Variants in UBE2E2 observed in about 807,000 individuals in gnomAD.
UBE2E2 encodes ubiquitin-conjugating enzyme E2 E2.
Under a neutral mutation model 24.7 loss-of-function variants are expected in UBE2E2, and 6 were observed. That is an observed-to-expected ratio of 0.24 (90% CI 0.13 to 0.48). The LOEUF (loss-of-function observed/expected upper bound fraction) is 0.48, where lower values mean the gene tolerates loss of function less well. Ranked by LOEUF, UBE2E2 falls within the 20% of genes least tolerant of loss-of-function variation. The probability of loss-of-function intolerance (pLI) is 0.99; values close to 1 mark genes in which losing one functional copy is unlikely to be tolerated. For synonymous variants in UBE2E2, 104 were observed against 83.6 expected (o/e 1.24, Z -1.33); for missense variants, 169 against 245.0 (o/e 0.69, Z 2.07).
Position 23,570,452 on chromosome 3 carries a change from G to A in UBE2E2, c.509-19282G>A, listed in dbSNP as rs77832017. 7.8e-3 allele frequency among the ~76,000 whole-genome samples: 1,180 copies of A among 152,092 alleles called. 83 individuals carry two copies. The East Asian group carries it at 0.16, about 21-fold the overall frequency. ...AATGTTTAACAAAAGGCTGGGCAGGGGTGGTATGTGTATATGTACATACCT... is the reference window on the plus strand; with the variant it reads ...AATGTTTAACAAAAGGCTGGGCAGGAGTGGTATGTGTATATGTACATACCT... On this transcript the variant is annotated intron_variant, in intron 5 of 5. Coordinates refer to ENST00000396703, the MANE Select transcript of UBE2E2 (RefSeq NM_152653.4).
At chr3:23,485,525 T>TAAAACA (rs1208981763) in intron 3 of UBE2E2, among the ~76,000 whole-genome samples, 5 of 151,914 alleles carry the variant, frequency 3.3e-5, no homozygotes, top group Non-Finnish European at 5.9e-5. Flanking sequence ...CTTCCCCTAT[T>TAAAACA]AAAACAAAAA....
chr3:23,224,156 G>GTTTTTTTTTT (rs531661466), intron 3 of UBE2E2, among the ~76,000 whole-genome samples: 16 of 93,716 alleles, frequency 1.7e-4, no homozygotes, highest in South Asian at 8.2e-4. Context: ...TAAATTTTAG[G>GTTTTTTTTTT]TTTTTTTTTT....
chr3:23,369,636 TG>T (rs1280134976), intron 3 of UBE2E2, among the ~76,000 whole-genome samples: 8 of 152,314 alleles, frequency 5.3e-5, no homozygotes, highest in Non-Finnish European at 1.0e-4. Context: ...ATATGGGAAT[TG>T]CCCATATCGA....
At chr3:23,451,519 G>A (rs1455834109) in intron 3 of UBE2E2, among the ~76,000 whole-genome samples, 8 of 152,164 alleles carry the variant, frequency 5.3e-5, no homozygotes, top group African/African-American at 1.9e-4. Context: ...TTCAGTGAGC[G>A]CTTCTGACGA....
At chr3:23,416,723 TA>T (rs1199078446) in intron 3 of UBE2E2, among the ~76,000 whole-genome samples, 25 of 152,312 alleles carry the variant, frequency 1.6e-4, no homozygotes, top group African/African-American at 5.8e-4. Context: ...CATAGTCCCA[TA>T]TTTCTTGGAG....
At chr3:23,549,622 T>A (rs1043233705) in intron 5 of UBE2E2, among the ~76,000 whole-genome samples, 1 of 152,188 alleles carries the variant, frequency 6.6e-6, no homozygotes, top group Admixed American at 6.5e-5. Flanking sequence ...AAAAATGGTA[T>A]GTGTGGACCT....
chr3:23,310,599 T>C (rs9853489), intron 3 of UBE2E2, among the ~76,000 whole-genome samples: 61,633 of 151,946 alleles, frequency 0.41, 13,167 homozygotes, highest in Admixed American at 0.53. Context: ...AAGGATAACC[T>C]TGAGCCGGGC....
chr3:23,588,516 A>C (rs1696683547), intron 5 of UBE2E2, among the ~76,000 whole-genome samples: 1 of 150,766 alleles, frequency 6.6e-6, no homozygotes, highest in South Asian at 2.1e-4. Context: ...TCCTGGACTC[A>C]AGCGATCCTG....
At chr3:23,316,427 C>A (rs1212422406) in intron 3 of UBE2E2, among the ~76,000 whole-genome samples, 1 of 151,848 alleles carries the variant, frequency 6.6e-6, no homozygotes, top group African/African-American at 2.4e-5. Flanking sequence ...TGCTAGGCTA[C>A]CTCCAGTGCT....
At chr3:23,373,499 A>G (rs1185647234) in intron 3 of UBE2E2, among the ~76,000 whole-genome samples, 2 of 152,166 alleles carry the variant, frequency 1.3e-5, no homozygotes, top group Non-Finnish European at 1.5e-5. Flanking sequence ...TAAGACACCA[A>G]AGTGAAAACA....
At chr3:23,459,069 AT>A (rs1281025411) in intron 3 of UBE2E2, among the ~76,000 whole-genome samples, 1 of 152,110 alleles carries the variant, frequency 6.6e-6, no homozygotes, top group Non-Finnish European at 1.5e-5. Flanking sequence ...TTTGTGTTCA[AT>A]TTTCTGCCTT....
intron 5 of UBE2E2, among the ~76,000 whole-genome samples, chr3:23,562,870 G>A (rs1240996089): frequency 2.0e-5 from 3 of 152,178 alleles, no homozygotes; most frequent in East Asian, 1.9e-4. Context: ...GGTGTTTATA[G>A]TATTCTCCGA....
chr3:23,344,864 G>A (rs1695504444), intron 3 of UBE2E2, among the ~76,000 whole-genome samples: 1 of 151,622 alleles, frequency 6.6e-6, no homozygotes, highest in African/African-American at 2.4e-5. Context: ...GCACATAAGT[G>A]ATCATTAAAT....
intron 3 of UBE2E2, among the ~76,000 whole-genome samples, chr3:23,325,712 G>C (rs1462268782): frequency 6.6e-6 from 1 of 152,204 alleles, no homozygotes. Flanking sequence ...TTGTGTGAGA[G>C]AATGTGCTAC....
At chr3:23,446,970 G>A (rs759255135) in intron 3 of UBE2E2, among the ~76,000 whole-genome samples, 4 of 152,084 alleles carry the variant, frequency 2.6e-5, no homozygotes, top group Non-Finnish European at 5.9e-5. Flanking sequence ...CCTTTCCCCA[G>A]TGCAGTTATC....
In UBE2E2 at chr3:23,316,221, G is replaced by C. The variant is rs189630503; in HGVS notation, c.227+98909G>C. ...AGGGTGATGCCTTCCCTTAGGTCCT[G>C]TATGGGTCCAGAAGTGCCATCCAAG... On this transcript the variant is annotated intron_variant, in intron 3 of 5. Transcript: ENST00000396703. Among the ~76,000 whole-genome samples the C allele has an allele frequency of 8.3e-3, 1,269 of 152,224 alleles. 9 individuals carry two copies. Among genetic ancestry groups the C allele is most frequent in the African/African-American group, 0.014 (567 of 41,544 alleles).
rs189533577 is a variant in UBE2E2 at position 23,530,237 on chromosome 3, G to A, written c.361-2317G>A. ...TTCCTTAATCATTAAGTGTAGGATT[G>A]TGTCTTCATTCACTCCCTTGATTTT... On this transcript the variant is annotated intron_variant, in intron 4 of 5. Coordinates refer to ENST00000396703, the MANE Select transcript of UBE2E2 (RefSeq NM_152653.4). 1.4e-3 allele frequency among the ~76,000 whole-genome samples: 213 copies of A among 152,252 alleles called. 2 individuals are homozygous for A. The highest frequency in any genetic ancestry group is 1.7e-3 in the East Asian group (9 of 5,190).
intron 4 of UBE2E2, among the ~76,000 whole-genome samples, chr3:23,523,471 G>A (rs1283047456): frequency 6.6e-6 from 1 of 152,146 alleles, no homozygotes; most frequent in Admixed American, 6.5e-5. Flanking sequence ...AAAGATAGTA[G>A]TCTTATCATG....
chr3:23,459,515 A>T (rs1225884867), intron 3 of UBE2E2, among the ~76,000 whole-genome samples: 1 of 152,228 alleles, frequency 6.6e-6, no homozygotes, highest in African/African-American at 2.4e-5. Context: ...TGTTTTTACA[A>T]ATCCAGACAC....
Sources: allele counts gnomAD v4.1 joint callset (sites outside exome capture counted in the v4.1 genomes callset), GRCh38; gene constraint gnomAD v4.1.1; transcripts MANE v1.5; gene names NCBI Gene and HGNC (gene_info 2026-07-23, HGNC 2026-07-21).